The following ARHGAP39 variants were observed in gnomAD, a reference collection of about 807,000 sequenced individuals.
The protein encoded by ARHGAP39 is rho GTPase-activating protein 39.
In ARHGAP39, 44 loss-of-function variants were observed where a neutral mutation model predicts 106.9. The ratio of observed to expected loss-of-function variants is 0.41; its 90% CI spans 0.32 to 0.53. The LOEUF (loss-of-function observed/expected upper bound fraction) is 0.53, where lower values mean the gene tolerates loss of function less well. Ranked by LOEUF, ARHGAP39 falls within the 20% of genes least tolerant of loss-of-function variation. The pLI, the probability that ARHGAP39 is intolerant of heterozygous loss-of-function variation, is 0.21. For missense variants in ARHGAP39, 1,496 were observed against 1,577.3 expected (o/e 0.95, Z 0.87); for synonymous variants, 768 against 693.2 (o/e 1.11, Z -1.69).
At chr8:144,600,474 G>A (rs1479345966) in intron 2 of ARHGAP39, among the ~76,000 whole-genome samples, 2 of 150,302 alleles carry the variant, frequency 1.3e-5, no homozygotes, top group Admixed American at 6.6e-5. Context: ...ACCTGCGTGT[G>A]CATCGAGGCG....
At chr8:144,611,672 T>C (rs923778890) in intron 1 of ARHGAP39, among the ~76,000 whole-genome samples, 3 of 152,224 alleles carry the variant, frequency 2.0e-5, no homozygotes, top group Admixed American at 1.3e-4. Context: ...AGAGTTAGAA[T>C]TGTGTAACAT....
rs1042128912 is a variant in ARHGAP39 at position 144,641,980 on chromosome 8, T to C, written c.-81-36285A>G. On this transcript the variant is annotated intron_variant, in intron 1 of 11. Coordinates refer to ENST00000377307, the MANE Select transcript of ARHGAP39 (RefSeq NM_025251.3). This position sits in a 1 kb window ranked among gnomAD's most constrained non-coding sequence, Gnocchi z 5.2. ...CTCTCAGAACCACACCCAGGCTACA[T>C]AGATCTGTGAGCAACAGATGTATGT... Among the ~76,000 whole-genome samples the C allele has an allele frequency of 6.6e-6, 1 of 152,168 alleles. No homozygotes were observed. Among genetic ancestry groups the C allele is most frequent in the East Asian group, 1.9e-4 (1 of 5,188 alleles).
rs1238931250 is a variant in ARHGAP39, at chr8:144,644,842, A to G, written c.-81-39147T>C. ...CCCAAGCCCTGTACCTTCACCCTAC[A>G]CCTGAGCCCCTTCCTCAGGAGCTGT... On this transcript the variant is annotated intron_variant, in intron 1 of 11. Coordinates refer to ENST00000377307, the MANE Select transcript of ARHGAP39 (RefSeq NM_025251.3). The surrounding 1 kb of genome is among the most constrained non-coding windows in gnomAD (Gnocchi z 4.8). 6.6e-5 allele frequency among the ~76,000 whole-genome samples: 10 copies of G among 151,994 alleles called. No homozygotes were observed. The highest frequency in any genetic ancestry group is 1.0e-4 in the Non-Finnish European group (7 of 67,964).
intron 7 of ARHGAP39, among the ~76,000 whole-genome samples, chr8:144,536,833 C>T (rs932368066): frequency 7.2e-5 from 11 of 152,262 alleles, no homozygotes; most frequent in Non-Finnish European, 1.5e-4. Flanking sequence ...ACCTCATCCA[C>T]AGAAAGCTCG....
chr8:144,636,758 G>A (rs945919074), intron 1 of ARHGAP39, among the ~76,000 whole-genome samples: 17 of 152,306 alleles, frequency 1.1e-4, no homozygotes, highest in Admixed American at 5.9e-4. Context: ...CCCAGGCTCA[G>A]CACCCTCCAT....
chr8:144,556,935 G>A (rs962149505), intron 3 of ARHGAP39, among the ~76,000 whole-genome samples: 1 of 139,772 alleles, frequency 7.2e-6, no homozygotes, highest in Non-Finnish European at 1.5e-5. Context: ...AGTATTCAGA[G>A]GCAAAAGGCT....
Position 144,645,232 on chromosome 8 carries a change from C to T in ARHGAP39, c.-81-39537G>A, listed in dbSNP as rs934290310. On this transcript the variant is annotated intron_variant, in intron 1 of 11. Coordinates refer to ENST00000377307, the MANE Select transcript of ARHGAP39 (RefSeq NM_025251.3). This position sits in a 1 kb window ranked among gnomAD's most constrained non-coding sequence, Gnocchi z 4.4. ...AGAAGAAGCTGGATGAAGTCACAGC[C>T]GTGAAACTCAGGCTGGAAGCTCTGG... is the stretch of plus-strand genomic sequence containing the variant. 6.6e-6 allele frequency among the ~76,000 whole-genome samples: 1 copy of T among 152,226 alleles called. No homozygotes were observed. The highest frequency in any genetic ancestry group is 1.5e-5 in the Non-Finnish European group (1 of 68,034).
chr8:144,531,171 A>T (rs537785485), intron 10 of ARHGAP39, among the ~76,000 whole-genome samples: 1 of 151,974 alleles, frequency 6.6e-6, no homozygotes, highest in African/African-American at 2.4e-5. Flanking sequence ...GAGCAGGCAC[A>T]GCTGAAGGGC....
At chr8:144,654,149 C>G (rs751115583) in intron 1 of ARHGAP39, among the ~76,000 whole-genome samples, 7 of 152,168 alleles carry the variant, frequency 4.6e-5, no homozygotes, top group Non-Finnish European at 1.0e-4. Context: ...TAACTGGAAC[C>G]CTTTACCCAA....
At chr8:144,673,716 T>C (rs1200823719) in intron 1 of ARHGAP39, among the ~76,000 whole-genome samples, 5 of 152,170 alleles carry the variant, frequency 3.3e-5, no homozygotes, top group Non-Finnish European at 7.3e-5. Context: ...CCCACTGGGA[T>C]TGTTCCGCCC....
chr8:144,555,255 G>A (rs1817872033), intron 4 of ARHGAP39, among the ~76,000 whole-genome samples: 1 of 152,258 alleles, frequency 6.6e-6, no homozygotes, highest in Admixed American at 6.5e-5. Context: ...AGATGCCAGG[G>A]GTGGACCTAA....
At chr8:144,629,215 C>G (rs1489475672) in intron 1 of ARHGAP39, among the ~76,000 whole-genome samples, 1 of 152,360 alleles carries the variant, frequency 6.6e-6, no homozygotes, top group Middle Eastern at 3.4e-3. Flanking sequence ...AGGTTTTTCC[C>G]TTTTCCCAGT....
At chr8:144,569,280 G>C (rs13254543) in intron 3 of ARHGAP39, among the ~76,000 whole-genome samples, 9,781 of 152,240 alleles carry the variant, frequency 0.064, 422 homozygotes, top group Non-Finnish European at 0.097. Flanking sequence ...CCTAACTACA[G>C]AGCCTCAAAA....
At chr8:144,677,192 A>G (rs1195620138) in intron 1 of ARHGAP39, among the ~76,000 whole-genome samples, 1 of 152,254 alleles carries the variant, frequency 6.6e-6, no homozygotes, top group East Asian at 1.9e-4. Flanking sequence ...GCTGATGGAC[A>G]TTTAGGTTGT....
At chr8:144,584,750 G>A (rs1280738755) in intron 2 of ARHGAP39, among the ~76,000 whole-genome samples, 2 of 152,108 alleles carry the variant, frequency 1.3e-5, no homozygotes, top group South Asian at 2.1e-4. Context: ...GTGACAGAGC[G>A]AGACTCTGTC....
the ARHGAP39 span, among the ~76,000 whole-genome samples, chr8:144,691,198 G>GCAGGCA: frequency 6.6e-6 from 1 of 152,174 alleles, no homozygotes; most frequent in African/African-American, 2.4e-5. Flanking sequence ...GGATTGATTT[G>GCAGGCA]CAGGCACAGC....
intron 3 of ARHGAP39, among the ~76,000 whole-genome samples, chr8:144,564,037 G>A (rs1818303742): frequency 6.6e-6 from 1 of 152,166 alleles, no homozygotes; most frequent in Admixed American, 6.5e-5. Flanking sequence ...CAGAAAGTGA[G>A]ATTTCCATTC....
intron 3 of ARHGAP39, among the ~76,000 whole-genome samples, chr8:144,571,301 T>C (rs1221135276): frequency 6.6e-6 from 1 of 152,192 alleles, no homozygotes; most frequent in Non-Finnish European, 1.5e-5. Context: ...GTCAGCTTCA[T>C]CCCTGGGATG....
At chr8:144,534,453 T>A (rs1357133246) in intron 7 of ARHGAP39, among the ~76,000 whole-genome samples, 11 of 152,242 alleles carry the variant, frequency 7.2e-5, no homozygotes, top group African/African-American at 2.6e-4. Flanking sequence ...CCACCTGCCC[T>A]CCTACGGCCA....
Sources: gnomAD v4.1 joint callset for allele counts (sites outside exome capture counted in the v4.1 genomes callset) on GRCh38, gnomAD v4.1.1 for gene constraint, Gnocchi (gnomAD v3.1) non-coding constraint, MANE v1.5 for transcripts, NCBI Gene and HGNC (gene_info 2026-07-23, HGNC 2026-07-21) for gene names.